SUGCT: variants seen among roughly 807,000 people sequenced by gnomAD.
SUGCT encodes the protein succinyl-CoA:glutarate CoA-transferase.
In SUGCT, 41 loss-of-function variants were observed where a neutral mutation model predicts 55.0. That is an observed-to-expected ratio of 0.74 (90% CI 0.58 to 0.97). SUGCT has a LOEUF of 0.97. Ranked by LOEUF, SUGCT falls within the 50% of genes least tolerant of loss-of-function variation. The pLI, the probability that SUGCT is intolerant of heterozygous loss-of-function variation, is 0.00. For synonymous variants in SUGCT, 187 were observed against 200.4 expected, an observed-to-expected ratio of 0.93 and a Z score of 0.56; for missense variants, 568 against 547.8, an observed-to-expected ratio of 1.04 and a Z score of -0.37.
At chr7:40,346,547 G>A (rs1430516305) in intron 9 of SUGCT, among the ~76,000 whole-genome samples, 1 of 152,068 alleles carries the variant, frequency 6.6e-6, no homozygotes, top group Non-Finnish European at 1.5e-5. Flanking sequence ...TGTGCCTTAG[G>A]TCCTCAATTG....
chr7:41,014,991 T>TA, the SUGCT span, among the ~76,000 whole-genome samples: 1 of 152,188 alleles, frequency 6.6e-6, no homozygotes, highest in African/African-American at 2.4e-5. Flanking sequence ...ACCTGAGAAT[T>TA]ATGATCTTTT....
intron 9 of SUGCT, among the ~76,000 whole-genome samples, chr7:40,396,626 TCCCCCAGG>T (rs1420435555): frequency 6.6e-6 from 1 of 152,204 alleles, no homozygotes; most frequent in Non-Finnish European, 1.5e-5. Context: ...AAAATGTTAA[TCCCCCAGG>T]ATGTGGAGAG....
At chr7:40,640,396 A>G (rs775052549) in intron 12 of SUGCT, among the ~76,000 whole-genome samples, 1 of 152,210 alleles carries the variant, frequency 6.6e-6, no homozygotes, top group Non-Finnish European at 1.5e-5. Context: ...TAAATATACT[A>G]CACTTAGTGT....
At position 40,139,353 on chromosome 7, in the gene SUGCT, C is replaced by T. The variant is rs376693247; in HGVS notation, c.100+4233C>T. Among the ~76,000 whole-genome samples the T allele has an allele frequency of 7.9e-5, 12 of 152,112 alleles. No homozygotes were observed. The East Asian group carries it at 1.7e-3, about 22-fold the overall frequency. On this transcript the variant is annotated intron_variant, in intron 1 of 13. Transcript: ENST00000335693. ...CTGGGACTACAGGTGTGTGCCACCA[C>T]GCCTGGCTAATTTTTGTATTTTTAG...
chr7:40,368,046 C>T lies in SUGCT; in HGVS notation c.816+51191C>T, dbSNP rs946816905. Among the ~76,000 whole-genome samples the T allele has an allele frequency of 7.9e-5, 12 of 152,318 alleles. No homozygotes were observed. The East Asian group carries it at 1.2e-3, about 15-fold the overall frequency. ...TTCCATCTCCCTAGAGCACTTCCAGCACCCCTTCACTAGGAAAAGCCTACT... is the reference window on the plus strand; with the variant it reads ...TTCCATCTCCCTAGAGCACTTCCAGTACCCCTTCACTAGGAAAAGCCTACT... On this transcript the variant is annotated intron_variant, in intron 9 of 13. Coordinates refer to ENST00000335693, the MANE Select transcript of SUGCT (RefSeq NM_001193313.2).
At chr7:40,551,115 T>A (rs59324899) in intron 12 of SUGCT, among the ~76,000 whole-genome samples, 18 of 152,170 alleles carry the variant, frequency 1.2e-4, no homozygotes, top group Non-Finnish European at 2.4e-4. Flanking sequence ...CAAGTGGGCA[T>A]GCTCTTTGCC....
intron 7 of SUGCT, among the ~76,000 whole-genome samples, chr7:40,252,408 T>C (rs2150936309): frequency 6.6e-6 from 1 of 151,914 alleles, no homozygotes; most frequent in South Asian, 2.1e-4. Context: ...CATGCGCCAC[T>C]GTGCCTGGCC....
At chr7:40,189,398 CTT>C (rs771275549) in intron 4 of SUGCT, 144 bp from the exon 5 acceptor site, 177 of 145,144 alleles carry the variant, frequency 1.2e-3, no homozygotes, top group Middle Eastern at 3.7e-3. Context: ...AATACACATA[CTT>C]TTTTTTTTTT....
At chr7:40,561,629 A>C (rs1048994245) in intron 12 of SUGCT, among the ~76,000 whole-genome samples, 52 of 151,770 alleles carry the variant, frequency 3.4e-4, no homozygotes, top group African/African-American at 1.1e-3. Flanking sequence ...GAAGCACAAC[A>C]GACCTGTGGG....
intron 11 of SUGCT, among the ~76,000 whole-genome samples, chr7:40,472,712 G>A (rs1220813398): frequency 1.3e-5 from 2 of 152,052 alleles, no homozygotes; most frequent in Non-Finnish European, 2.9e-5. Flanking sequence ...AGCACTATCA[G>A]CAGTTTTATT....
chr7:40,867,332 TGTATATATATGC>T, the SUGCT span, among the ~76,000 whole-genome samples: 1 of 151,032 alleles, frequency 6.6e-6, no homozygotes, highest in African/African-American at 2.4e-5. Flanking sequence ...TATATATATG[TGTATATATATGC>T]TCTCCATATA....
intron 12 of SUGCT, among the ~76,000 whole-genome samples, chr7:40,728,568 G>A (rs1397154152): frequency 1.3e-5 from 2 of 151,894 alleles, no homozygotes; most frequent in Admixed American, 1.3e-4. Flanking sequence ...ATAGGTAGAT[G>A]GTATTTTATT....
chr7:40,433,543 C>G (rs1350159719), intron 9 of SUGCT, among the ~76,000 whole-genome samples: 1 of 152,118 alleles, frequency 6.6e-6, no homozygotes, highest in East Asian at 1.9e-4. Context: ...ATATGGCCAT[C>G]TCATCTCCAC....
intron 1 of SUGCT, among the ~76,000 whole-genome samples, chr7:40,148,702 G>A (rs1488057198): frequency 6.6e-6 from 1 of 152,134 alleles, no homozygotes; most frequent in Non-Finnish European, 1.5e-5. Context: ...CCATGATGAG[G>A]TTTATGAGCT....
At chr7:40,707,840 A>C (rs559908782) in intron 12 of SUGCT, among the ~76,000 whole-genome samples, 2 of 152,220 alleles carry the variant, frequency 1.3e-5, no homozygotes, top group Admixed American at 6.5e-5. Context: ...CAAAGAATTG[A>C]CTTCTTTTGT....
the SUGCT span, among the ~76,000 whole-genome samples, chr7:41,004,518 C>A: frequency 6.6e-6 from 1 of 152,160 alleles, no homozygotes; most frequent in Non-Finnish European, 1.5e-5. Context: ...TTGTTGCAGC[C>A]AAGAGGCCAG....
At chr7:40,150,760 G>A (rs367615057) in intron 1 of SUGCT, among the ~76,000 whole-genome samples, 2 of 152,180 alleles carry the variant, frequency 1.3e-5, no homozygotes, top group East Asian at 1.9e-4. Flanking sequence ...CCGGTCTTCC[G>A]CTCAGCCAGC....
chr7:40,617,674 C>A (rs1799074343), intron 12 of SUGCT, among the ~76,000 whole-genome samples: 1 of 152,068 alleles, frequency 6.6e-6, no homozygotes, highest in African/African-American at 2.4e-5. Context: ...CTTAGAAATT[C>A]CATAACTTTC....
Position 40,749,651 on chromosome 7 carries a change from C to T in SUGCT, c.1153+154C>T, listed in dbSNP as rs1405018693. Among the ~76,000 whole-genome samples the T allele has an allele frequency of 2.0e-5, 3 of 152,174 alleles. No individual in the cohort carries two copies. In the East Asian group the frequency reaches 5.8e-4, roughly 29 times the overall value. On this transcript the variant is annotated intron_variant, in intron 13 of 13. Coordinates refer to ENST00000335693, the MANE Select transcript of SUGCT (RefSeq NM_001193313.2). ...AAAAGGGGAATCCTAGGACTGCACT[C>T]ACAAAAATGTATGCTGAGACTATGG... is the stretch of plus-strand genomic sequence containing the variant.
Sources: gnomAD v4.1 joint callset for allele counts (sites outside exome capture counted in the v4.1 genomes callset) on GRCh38, gnomAD v4.1.1 for gene constraint, MANE v1.5 for transcripts, NCBI Gene and HGNC (gene_info 2026-07-23, HGNC 2026-07-21) for gene names.